PARL: variants seen among roughly 807,000 people sequenced by gnomAD.
PARL encodes presenilin-associated rhomboid-like protein, mitochondrial.
Under a neutral mutation model 51.6 loss-of-function variants are expected in PARL, and 44 were observed. The observed-to-expected ratio is 0.85, with a 90% CI of 0.67 to 1.10. The LOEUF is 1.10. Ranked by LOEUF, PARL falls within the 50% of genes least tolerant of loss-of-function variation. The pLI is 0.00. For missense variants in PARL, 441 were observed against 469.5 expected (o/e 0.94, Z 0.56); for synonymous variants, 172 against 164.0 (o/e 1.05, Z -0.37).
intron 1 of PARL, among the ~76,000 whole-genome samples, chr3:183,870,269 C>A (rs1448579435): frequency 2.4e-5 from 3 of 123,074 alleles, no homozygotes; most frequent in Non-Finnish European, 3.4e-5. Flanking sequence ...CAGAGTAAGA[C>A]CTTGTCTCAA....
At chr3:183,860,610 T>G (rs891087997) in intron 4 of PARL, among the ~76,000 whole-genome samples, 4 of 152,340 alleles carry the variant, frequency 2.6e-5, no homozygotes, top group Admixed American at 2.0e-4. Flanking sequence ...AGAATTCTGA[T>G]TTTTAATTAC....
intron 4 of PARL, among the ~76,000 whole-genome samples, chr3:183,850,954 T>C (rs1044712990): frequency 2.0e-5 from 3 of 152,184 alleles, no homozygotes; most frequent in African/African-American, 7.2e-5. Flanking sequence ...AGGTCAGATA[T>C]ATAGATCAAT....
intron 5 of PARL, chr3:183,843,371 G>A: frequency 2.5e-6 from 2 of 800,648 alleles, no homozygotes; most frequent in South Asian, 5.7e-5. Context: ...AAAAAAATTA[G>A]CTGGGCATGG....
At chr3:183,874,884 C>A (rs978179902) in intron 1 of PARL, among the ~76,000 whole-genome samples, 5 of 152,118 alleles carry the variant, frequency 3.3e-5, no homozygotes, top group East Asian at 1.9e-4. Context: ...CCAACCTGGG[C>A]ACCATAGTGA....
At position 183,884,707 on chromosome 3, in the gene PARL, C is replaced by T; in HGVS notation, c.125+15G>A. 6.3e-7 allele frequency: 1 copy of T among 1,584,800 alleles called. No homozygotes were observed. Among genetic ancestry groups the T allele is most frequent in the Non-Finnish European group, 8.6e-7 (1 of 1,168,068 alleles). ...GGACCAAGAGGCGAGAAGACCAGAG[C>T]GCGGCGGCTATTACCTGCGTCCGAG... On this transcript the variant is annotated intron_variant, in intron 1 of 9. Coordinates refer to ENST00000317096, the MANE Select transcript of PARL (RefSeq NM_018622.7).
At position 183,829,401 on chromosome 3, in the gene PARL, A is replaced by G; in HGVS notation, c.*197T>C. On this transcript the variant is annotated 3_prime_UTR_variant, in exon 10 of 10. Transcript: ENST00000317096. ...ACACACACATCTGCTTACAAACTAGATAGAAACCTTTATTTCACAACTTTA... is the reference window on the plus strand; with the variant it reads ...ACACACACATCTGCTTACAAACTAGGTAGAAACCTTTATTTCACAACTTTA... 1 of 1,509,886 alleles carries G rather than the reference A, an allele frequency of 6.6e-7. No homozygotes were observed. Among genetic ancestry groups the G allele is most frequent in the Non-Finnish European group, 8.8e-7 (1 of 1,134,324 alleles). The allele number at this position is 1,509,886 out of a possible 1,614,324, so 93.5% of individuals were successfully genotyped here.
chr3:183,845,191 G>A (rs1729803086), intron 4 of PARL, among the ~76,000 whole-genome samples: 1 of 152,050 alleles, frequency 6.6e-6, no homozygotes, highest in Admixed American at 6.5e-5. Flanking sequence ...TAACATACTG[G>A]TAAGAGGATT....
rs1010799549 is a variant in PARL at position 183,863,060 on chromosome 3, A to T, written c.463-259T>A. 2.0e-5 allele frequency among the ~76,000 whole-genome samples: 3 copies of T among 152,184 alleles called. No individual in the cohort carries two copies. In the East Asian group the frequency reaches 5.8e-4, roughly 29 times the overall value. On this transcript the variant is annotated intron_variant, in intron 3 of 9. Coordinates refer to ENST00000317096, the MANE Select transcript of PARL (RefSeq NM_018622.7). ...TATTTCTAAACTTCAGTTTCTTGACACATGAAATGGGACAATAATAGGTAC... is the reference window on the plus strand; with the variant it reads ...TATTTCTAAACTTCAGTTTCTTGACTCATGAAATGGGACAATAATAGGTAC...
intron 5 of PARL, chr3:183,843,128 C>T: frequency 1.2e-6 from 1 of 825,310 alleles, no homozygotes; most frequent in African/African-American, 1.8e-5. Context: ...AAGCAGTTCA[C>T]CTGCCTCAGC....
At chr3:183,826,680 C>T (rs1727433216), downstream of PARL, 1 of 985,192 alleles carries the variant, frequency 1.0e-6, no homozygotes, top group Non-Finnish European at 1.2e-6. Flanking sequence ...GCTGAGCAGG[C>T]CAGGCCATGT....
At chr3:183,880,215 A>C (rs1734288541) in intron 1 of PARL, among the ~76,000 whole-genome samples, 1 of 152,156 alleles carries the variant, frequency 6.6e-6, no homozygotes, top group Non-Finnish European at 1.5e-5. Context: ...GCCGCAATAA[A>C]ATGGATGGGG....
At chr3:183,834,311 G>T (rs13073298) in intron 7 of PARL, among the ~76,000 whole-genome samples, 43,010 of 152,138 alleles carry the variant, frequency 0.28, 7,847 homozygotes, top group African/African-American at 0.51. Context: ...TTCCAGCACA[G>T]TGTGAGGCAT....
In PARL at chr3:183,877,673, A is replaced by G. The variant is rs187953271; in HGVS notation, c.125+7049T>C. On this transcript the variant is annotated intron_variant, in intron 1 of 9. Transcript: ENST00000317096. The stretch of plus-strand genomic sequence containing the variant: ...AACAGAGGCAAGACCCTCCACCAGC[A>G]AAAAGATTATGACTCACTGCAGGCT... Among the ~76,000 whole-genome samples the G allele has an allele frequency of 3.9e-5, 6 of 152,330 alleles. No homozygotes were observed. The East Asian group carries it at 1.2e-3, about 29-fold the overall frequency.
downstream of PARL, chr3:183,826,699 G>A: frequency 1.0e-6 from 1 of 985,226 alleles, no homozygotes; most frequent in Non-Finnish European, 1.2e-6. Flanking sequence ...GTCCCAGCAG[G>A]CAGCAGGCGA....
chr3:183,830,475 G>C (rs1485354741), intron 9 of PARL, among the ~76,000 whole-genome samples: 2 of 152,228 alleles, frequency 1.3e-5, no homozygotes, highest in Non-Finnish European at 2.9e-5. Context: ...GCCTGCCTTG[G>C]AGAAGCTCCT....
intron 6 of PARL, 71 bp from the exon 7 acceptor site, chr3:183,840,711 T>A (rs1729206671): frequency 1.6e-6 from 1 of 606,076 alleles, no homozygotes; most frequent in Non-Finnish European, 2.8e-6. Flanking sequence ...TTTCTTTTCT[T>A]TTTTTTTTTT....
intron 1 of PARL, among the ~76,000 whole-genome samples, chr3:183,882,352 C>CAT (rs1560443023): frequency 7.1e-6 from 1 of 141,254 alleles, no homozygotes; most frequent in Non-Finnish European, 1.5e-5. Flanking sequence ...CACATATATA[C>CAT]ATATATGCAC....
At chr3:183,827,420 C>CGAGA (rs60941610), downstream of PARL, among the ~76,000 whole-genome samples, 72,328 of 149,822 alleles carry the variant, frequency 0.48, 17,738 homozygotes, top group Middle Eastern at 0.55. Context: ...CCAGCCTGGA[C>CGAGA]GAGAGAGAGA....
At chr3:183,879,356 A>G (rs1446906117) in intron 1 of PARL, among the ~76,000 whole-genome samples, 1 of 151,672 alleles carries the variant, frequency 6.6e-6, no homozygotes, top group African/African-American at 2.4e-5. Context: ...ATAACGGAGA[A>G]GACAACTTTT....
Sources: gnomAD v4.1 joint callset for allele counts (sites outside exome capture counted in the v4.1 genomes callset) on GRCh38, gnomAD v4.1.1 for gene constraint, MANE v1.5 for transcripts, NCBI Gene and HGNC (gene_info 2026-07-23, HGNC 2026-07-21) for gene names.